The following CCDC57 variants were observed in gnomAD, a reference collection of about 807,000 sequenced individuals.
CCDC57 encodes coiled-coil domain containing 57.
CCDC57 carries 118 observed loss-of-function variants against 118.9 expected under a neutral mutation model. The ratio of observed to expected loss-of-function variants is 0.99; its 90% CI spans 0.86 to 1.16. CCDC57 has a LOEUF of 1.16. Among genes scored for constraint, CCDC57 ranks in the 50% most tolerant of loss-of-function variants. CCDC57 has a pLI of 0.00. For missense variants in CCDC57, 1,300 were observed against 1,320.7 expected (o/e 0.98, Z 0.24); for synonymous variants, 527 against 532.9 (o/e 0.99, Z 0.15).
intron 7 of CCDC57, among the ~76,000 whole-genome samples, chr17:82,189,808 G>A (rs1394316748): frequency 2.0e-5 from 3 of 151,838 alleles, no homozygotes; most frequent in African/African-American, 7.3e-5. Context: ...ACCCGAGATC[G>A]CACCACCAGC....
At chr17:82,181,307 C>T (rs569273118) in intron 9 of CCDC57, among the ~76,000 whole-genome samples, 4 of 152,350 alleles carry the variant, frequency 2.6e-5, no homozygotes, top group East Asian at 1.9e-4. Flanking sequence ...TCAGGGCGGC[C>T]GGCGGAGCAT....
intron 7 of CCDC57, 95 bp downstream of exon 6, chr17:82,193,661 C>T (rs2047947965): frequency 9.1e-7 from 1 of 1,104,928 alleles, no homozygotes; most frequent in Admixed American, 2.1e-5. Flanking sequence ...GGAGTGGGAC[C>T]CTCTGCTCCC....
chr17:82,208,408 C>A (rs1346616407), intron 1 of CCDC57, among the ~76,000 whole-genome samples: 1 of 152,090 alleles, frequency 6.6e-6, no homozygotes, highest in Non-Finnish European at 1.5e-5. Context: ...AGGCGCCCGC[C>A]ACCATGCCCG....
chr17:82,162,529 C>T (rs975132697), intron 14 of CCDC57, among the ~76,000 whole-genome samples: 12 of 152,254 alleles, frequency 7.9e-5, no homozygotes, highest in African/African-American at 2.9e-4. Flanking sequence ...TGGCTCAACA[C>T]TGACATGGAG....
At chr17:82,174,750 T>C (rs1216064023) in intron 11 of CCDC57, among the ~76,000 whole-genome samples, 1 of 152,254 alleles carries the variant, frequency 6.6e-6, no homozygotes, top group Non-Finnish European at 1.5e-5. Context: ...TTTGTAACCA[T>C]TTGTCTTTTA....
rs546265031 is a variant in CCDC57, at chr17:82,115,255, C to T, written c.2899+12437G>A. Among the ~76,000 whole-genome samples the T allele has an allele frequency of 3.1e-5, 4 of 129,828 alleles. No individual in the cohort carries two copies. In the East Asian group the frequency reaches 6.4e-4, roughly 21 times the overall value. 85.2% of individuals were successfully genotyped at this position (129,828 alleles called of 152,430 possible). On this transcript the variant is annotated intron_variant, in intron 19 of 19. Coordinates refer to ENST00000665763, the Ensembl canonical transcript of CCDC57. Reference sequence around the variant, plus strand: ...CTCCAGCGGAGGCTCCACCAGCATTCGGGCTGTCCGGGAAGAGGGGGCAAG... The same window carrying T: ...CTCCAGCGGAGGCTCCACCAGCATTTGGGCTGTCCGGGAAGAGGGGGCAAG...
intron 13 of CCDC57, 165 bp from the exon 13 acceptor site, chr17:82,163,522 C>T (rs772439182): frequency 1.7e-5 from 12 of 697,312 alleles, no homozygotes; most frequent in Middle Eastern, 5.0e-4. Context: ...ATCTGGTCCA[C>T]GTGAAGATTA....
chr17:82,194,643 C>G (rs1024726013), intron 5 of CCDC57, among the ~76,000 whole-genome samples: 2 of 152,144 alleles, frequency 1.3e-5, no homozygotes, highest in African/African-American at 4.8e-5. Context: ...CAGTACCCCA[C>G]CAAAATCAGT....
At position 82,118,455 on chromosome 17, in the gene CCDC57, C is replaced by A. The variant is rs1481133569; in HGVS notation, c.2899+9237G>T. Among the ~76,000 whole-genome samples, 1 of 152,168 alleles carries A rather than the reference C, an allele frequency of 6.6e-6. No homozygotes were observed. Among genetic ancestry groups the A allele is most frequent in the Non-Finnish European group, 1.5e-5 (1 of 68,038 alleles). On this transcript the variant is annotated intron_variant, in intron 19 of 19. Coordinates refer to ENST00000665763, the Ensembl canonical transcript of CCDC57. The surrounding 1 kb of genome is among the most constrained non-coding windows in gnomAD (Gnocchi z 4.7). Reference sequence around the variant, plus strand: ...GGGTTTGGAACATCCTTTGCCCCAGCGAGGTGCGAGGTGCTCCGGAACTTG... The same window carrying A: ...GGGTTTGGAACATCCTTTGCCCCAGAGAGGTGCGAGGTGCTCCGGAACTTG...
chr17:82,143,020 C>T (rs113975741), intron 16 of CCDC57, among the ~76,000 whole-genome samples: 7,233 of 152,046 alleles, frequency 0.048, 227 homozygotes, highest in African/African-American at 0.089. Flanking sequence ...CAAAACTAGC[C>T]GGGCGTGGTG....
chr17:82,128,716 TCA>T, intron 17 of CCDC57, 119 bp from the exon 17 acceptor site: 1 of 814,284 alleles, frequency 1.2e-6, no homozygotes, highest in Non-Finnish European at 2.0e-6. Context: ...TATTAAAGAC[TCA>T]CACCATTTGG....
chr17:82,105,910 G>A (rs1327549335), intron 19 of CCDC57, among the ~76,000 whole-genome samples: 6 of 152,234 alleles, frequency 3.9e-5, no homozygotes, highest in Admixed American at 3.9e-4. Context: ...TCAGCCTGGT[G>A]AGGCAGGGCC....
chr17:82,188,223 C>A (rs746057209), exon 8 of CCDC57: 1 of 1,548,528 alleles, frequency 6.5e-7, no homozygotes, highest in South Asian at 1.2e-5. Flanking sequence ...GCTCACTGGT[C>A]AATGGCAGCG....
chr17:82,197,212 C>A (rs1362903292), intron 4 of CCDC57, among the ~76,000 whole-genome samples: 3 of 151,718 alleles, frequency 2.0e-5, no homozygotes, highest in Non-Finnish European at 4.4e-5. Flanking sequence ...ATGACACCTG[C>A]AGAGACGCAG....
At chr17:82,176,575 G>C (rs978610773) in intron 11 of CCDC57, among the ~76,000 whole-genome samples, 4 of 152,060 alleles carry the variant, frequency 2.6e-5, no homozygotes, top group Non-Finnish European at 5.9e-5. Flanking sequence ...AACAGTGTGG[G>C]CTCCCAGAGC....
At chr17:82,148,976 T>G (rs1024943798) in intron 16 of CCDC57, among the ~76,000 whole-genome samples, 3 of 48,144 alleles carry the variant, frequency 6.2e-5, no homozygotes, top group Non-Finnish European at 7.1e-5. Flanking sequence ...TATGGGTGGG[T>G]GGGTAGATGG....
intron 2 of CCDC57, among the ~76,000 whole-genome samples, chr17:82,206,484 T>G (rs2049662370): frequency 6.7e-6 from 1 of 149,906 alleles, no homozygotes; most frequent in South Asian, 2.2e-4. Context: ...GGGGAAGGAA[T>G]GCTGACTTCA....
rs546761432 is a variant in CCDC57 at position 82,157,900 on chromosome 17, G to C, written c.2089C>G (p.Arg697Gly). 434 of 1,567,776 alleles carry C rather than the reference G, an allele frequency of 2.8e-4. 1 individual carries two copies. Among genetic ancestry groups the C allele is most frequent in the Non-Finnish European group, 3.5e-4 (406 of 1,156,962 alleles). ...TCCAGGTGTACCTGGTCCACCTCAC[G>C]GGGAAGCTCACGCTGGAGAGCGGCC... The change falls in exon 15 of 20, where the codon CGT becomes GGT. Residue 697 changes from arginine to glycine, a missense_variant. By Grantham distance (125) the Arg-to-Gly change is moderately radical (BLOSUM62 -2). Transcript: ENST00000665763.
At chr17:82,167,249 G>C (rs2044104780) in intron 13 of CCDC57, among the ~76,000 whole-genome samples, 1 of 152,022 alleles carries the variant, frequency 6.6e-6, no homozygotes. Flanking sequence ...TCTGAAATTT[G>C]GTGAAAGACA....
Sources: allele counts gnomAD v4.1 joint callset (sites outside exome capture counted in the v4.1 genomes callset), GRCh38; gene constraint gnomAD v4.1.1; non-coding constraint Gnocchi (gnomAD v3.1); transcripts MANE v1.5; gene names NCBI Gene and HGNC (gene_info 2026-07-23, HGNC 2026-07-21).